Variants in DOCK11 observed in about 807,000 individuals in gnomAD.
The protein encoded by DOCK11 is dedicator of cytokinesis protein 11.
Under a neutral mutation model 169.1 loss-of-function variants are expected in DOCK11, and 70 were observed. That is an observed-to-expected ratio of 0.41 (90% CI 0.34 to 0.51). DOCK11 has a LOEUF of 0.51. Ranked by LOEUF, DOCK11 falls within the 20% of genes least tolerant of loss-of-function variation. DOCK11 has a pLI of 0.10. For synonymous variants in DOCK11, 529 were observed against 541.3 expected (o/e 0.98, Z 0.32); for missense variants, 1,166 against 1,538.8 (o/e 0.76, Z 4.05).
intron 32 of DOCK11, 89 bp downstream of exon 32, chrX:118,624,744 T>G: frequency 4.2e-6 from 2 of 470,739 alleles, no homozygotes; most frequent in East Asian, 4.1e-5. Context: ...ATCTCAACCT[T>G]AAGAGTTCAC....
chrX:118,682,694 A>G (rs1456274023), intron 51 of DOCK11, among the ~76,000 whole-genome samples: 1 of 112,433 alleles, frequency 8.9e-6, no homozygotes, highest in Non-Finnish European at 1.9e-5. Flanking sequence ...TGTACCACCC[A>G]GCACTGTACT....
intron 36 of DOCK11, among the ~76,000 whole-genome samples, chrX:118,636,857 A>G (rs2015403093): frequency 1.8e-5 from 2 of 111,757 alleles, no homozygotes; most frequent in African/African-American, 6.5e-5. Flanking sequence ...ACACACACAC[A>G]CACACACGTG....
chrX:118,555,874 A>AT (rs1329375698), intron 6 of DOCK11, among the ~76,000 whole-genome samples: 1 of 110,221 alleles, frequency 9.1e-6, no homozygotes, highest in Admixed American at 9.7e-5. Flanking sequence ...TCATTTCTAC[A>AT]TTGCTCTTGG....
At chrX:118,632,263 T>C (rs2015263285) in intron 35 of DOCK11, 1 of 112,274 alleles carries the variant, frequency 8.9e-6, no homozygotes, top group African/African-American at 3.2e-5. Flanking sequence ...CATGACTGTT[T>C]TATTTCTTGT....
rs1273000333 is a variant in DOCK11, at chrX:118,580,080, C to T, written c.1513-17C>T. The T allele has an allele frequency of 8.3e-7, 1 of 1,199,767 alleles. No individual in the cohort carries two copies. Among genetic ancestry groups the T allele is most frequent in the Non-Finnish European group, 1.1e-6 (1 of 888,375 alleles). ...GTTTGAACAAATACAAGCCTATCTTCTTGTTTCTGACCTTAGACGGCCCAG... is the reference window on the plus strand; with the variant it reads ...GTTTGAACAAATACAAGCCTATCTTTTTGTTTCTGACCTTAGACGGCCCAG... On this transcript the variant is annotated splice_polypyrimidine_tract_variant and intron_variant, in intron 13 of 52. Transcript: ENST00000276202.
intron 40 of DOCK11, among the ~76,000 whole-genome samples, chrX:118,648,366 C>T (rs1456034753): frequency 8.4e-5 from 8 of 94,723 alleles, no homozygotes; most frequent in African/African-American, 3.1e-4. Context: ...TGATGGGTCT[C>T]AAATGGGGGC....
At chrX:118,653,784 C>G (rs2016002360) in intron 42 of DOCK11, among the ~76,000 whole-genome samples, 1 of 111,736 alleles carries the variant, frequency 8.9e-6, no homozygotes, top group Non-Finnish European at 1.9e-5. Context: ...AACCCCTGTA[C>G]CTGTCTCTTC....
intron 35 of DOCK11, chrX:118,633,350 G>C (rs1466279938): frequency 8.9e-6 from 1 of 112,152 alleles, no homozygotes; most frequent in African/African-American, 3.2e-5. Flanking sequence ...TAAACTTTCA[G>C]ATACATGAGT....
At chrX:118,504,063 G>A (rs2057594522) in intron 1 of DOCK11, among the ~76,000 whole-genome samples, 1 of 110,749 alleles carries the variant, frequency 9.0e-6, no homozygotes, top group African/African-American at 3.3e-5. Flanking sequence ...CTAGAAGTAC[G>A]CAAATAACCT....
chrX:118,626,743 C>G (rs1369480135), intron 32 of DOCK11, among the ~76,000 whole-genome samples: 2 of 112,324 alleles, frequency 1.8e-5, no homozygotes, highest in Non-Finnish European at 3.8e-5. Flanking sequence ...CTACACCTAC[C>G]TGAGTGTCAG....
At chrX:118,567,057 T>C (rs6646237) in intron 9 of DOCK11, among the ~76,000 whole-genome samples, 345 of 112,453 alleles carry the variant, frequency 3.1e-3, no homozygotes, top group African/African-American at 0.011. Context: ...ATTCTCTATA[T>C]GTAAATATAT....
chrX:118,512,780 A>G (rs899053026), intron 1 of DOCK11, among the ~76,000 whole-genome samples: 8 of 110,870 alleles, frequency 7.2e-5, no homozygotes, highest in African/African-American at 2.3e-4. Flanking sequence ...AGGGGAGCCA[A>G]CAGCTCATGC....
chrX:118,629,685 G>T (rs1234911051), intron 34 of DOCK11, among the ~76,000 whole-genome samples: 1 of 110,344 alleles, frequency 9.1e-6, no homozygotes, highest in East Asian at 2.8e-4. Flanking sequence ...GTCTTGCTCT[G>T]TCACCCAGGC....
intron 1 of DOCK11, among the ~76,000 whole-genome samples, chrX:118,510,515 GC>G (rs2147311403): frequency 8.9e-6 from 1 of 111,916 alleles, no homozygotes; most frequent in South Asian, 3.7e-4. Flanking sequence ...CAGACACTTT[GC>G]GGGCATTTAG....
intron 10 of DOCK11, among the ~76,000 whole-genome samples, chrX:118,571,352 CTT>C (rs377665685): frequency 9.7e-6 from 1 of 102,892 alleles, no homozygotes; most frequent in Non-Finnish European, 2.0e-5. Context: ...CTGTGTTAAT[CTT>C]TTTTTTTTTT....
chrX:118,579,491 T>C (rs1164588658), intron 13 of DOCK11, among the ~76,000 whole-genome samples: 2 of 112,262 alleles, frequency 1.8e-5, no homozygotes, highest in African/African-American at 6.5e-5. Flanking sequence ...AAGTTGCTGA[T>C]GTGATGGGAC....
chrX:118,639,740 A>C (rs755649554), intron 38 of DOCK11, among the ~76,000 whole-genome samples, 163 bp downstream of exon 38: 1 of 112,147 alleles, frequency 8.9e-6, no homozygotes, highest in East Asian at 2.8e-4. Flanking sequence ...GAAGAAAAGA[A>C]GTCCTGGTTT....
At chrX:118,569,744 T>G (rs1264581906) in intron 10 of DOCK11, among the ~76,000 whole-genome samples, 8 of 111,301 alleles carry the variant, frequency 7.2e-5, no homozygotes, top group Non-Finnish European at 1.3e-4. Flanking sequence ...TTTTTTTTTT[T>G]TTTGTAAAAA....
intron 36 of DOCK11, among the ~76,000 whole-genome samples, chrX:118,636,828 TACACACAC>T (rs765702693): frequency 0.012 from 1,246 of 100,535 alleles, 7 homozygotes; most frequent in Non-Finnish European, 0.02. Context: ...TATTTGTGTG[TACACACAC>T]ACACACACAC....
Sources: allele counts gnomAD v4.1 joint callset (sites outside exome capture counted in the v4.1 genomes callset), GRCh38; gene constraint gnomAD v4.1.1; transcripts MANE v1.5; gene names NCBI Gene and HGNC (gene_info 2026-07-23, HGNC 2026-07-21).